The following TRPM6 variants were observed in gnomAD, a reference collection of about 807,000 sequenced individuals.
TRPM6 encodes the protein transient receptor potential cation channel subfamily M member 6, also known as channel kinase 2.
Under a neutral mutation model 247.6 loss-of-function variants are expected in TRPM6, and 111 were observed. The observed-to-expected ratio is 0.45, with a 90% confidence interval of 0.38 to 0.52. TRPM6 has a LOEUF of 0.52. TRPM6 is among the 20% of genes least tolerant of loss of function. TRPM6 has a pLI of 0.00. For synonymous variants in TRPM6, 892 were observed against 853.8 expected (o/e 1.04, Z -0.78); for missense variants, 2,126 against 2,421.5 (o/e 0.88, Z 2.56).
rs951748865 is a variant in TRPM6 at position 74,834,226 on chromosome 9, A to G, written c.545-104T>C. 48 of 1,384,682 alleles carry G rather than the reference A, an allele frequency of 3.5e-5. No homozygotes were observed. In the African/African-American group the frequency reaches 6.4e-4, roughly 19 times the overall value. The allele number at this position is 1,384,682 out of a possible 1,614,324, so 85.8% of individuals were successfully genotyped here. ...AAATAGGCAAGCATATGCAAGGGCTATTCTTAGGGAGAGTTGCTGGTACAG... is the reference window on the plus strand; with the variant it reads ...AAATAGGCAAGCATATGCAAGGGCTGTTCTTAGGGAGAGTTGCTGGTACAG... On this transcript the variant is annotated intron_variant, in intron 5 of 38. Transcript: ENST00000360774.
intron 3 of TRPM6, among the ~76,000 whole-genome samples, chr9:74,848,260 C>T (rs1830172823): frequency 6.6e-6 from 1 of 152,146 alleles, no homozygotes; most frequent in Non-Finnish European, 1.5e-5. Context: ...AAATTGCCTG[C>T]ATCACTACTC....
intron 14 of TRPM6, among the ~76,000 whole-genome samples, chr9:74,806,710 C>T (rs1828538589): frequency 6.6e-6 from 1 of 152,122 alleles, no homozygotes; most frequent in Non-Finnish European, 1.5e-5. Context: ...GATGAGAAAA[C>T]ATGCACAGAG....
intron 29 of TRPM6, among the ~76,000 whole-genome samples, chr9:74,751,739 CCCT>C (rs1025961064): frequency 6.2e-4 from 95 of 152,204 alleles, no homozygotes; most frequent in Admixed American, 4.4e-3. Flanking sequence ...GGCTTGAATC[CCCT>C]CCATCATGCC....
intron 32 of TRPM6, among the ~76,000 whole-genome samples, chr9:74,743,697 T>C (rs1163305733): frequency 2.0e-5 from 3 of 152,150 alleles, no homozygotes; most frequent in Non-Finnish European, 4.4e-5. Context: ...TCAGTGATCA[T>C]ACTCACTGAG....
Position 74,851,139 on chromosome 9 carries a change from C to A in TRPM6, c.152+4388G>T, listed in dbSNP as rs200316794. Among the ~76,000 whole-genome samples, 23 of 151,980 alleles carry A rather than the reference C, an allele frequency of 1.5e-4. No individual in the cohort carries two copies. The East Asian group carries it at 4.2e-3, about 28-fold the overall frequency. ...CTAGTTCATTAAATTGTAGCAAGGT[C>A]CCATAGAAGAAACAGACCTCCAAAA... is the stretch of plus-strand genomic sequence containing the variant. On this transcript the variant is annotated intron_variant, in intron 3 of 38. Coordinates refer to ENST00000360774, the MANE Select transcript of TRPM6 (RefSeq NM_017662.5).
intron 20 of TRPM6, among the ~76,000 whole-genome samples, chr9:74,787,346 A>T (rs993082997): frequency 1.3e-5 from 2 of 151,638 alleles, no homozygotes; most frequent in Non-Finnish European, 2.9e-5. Flanking sequence ...AAAGAAAAAA[A>T]AAAAGAAAAA....
chr9:74,809,600 AAAAT>A (rs1476167359), intron 13 of TRPM6, among the ~76,000 whole-genome samples: 2 of 152,262 alleles, frequency 1.3e-5, no homozygotes, highest in African/African-American at 2.4e-5. Flanking sequence ...CAGTTTAAAA[AAAAT>A]AAATAAAATC....
chr9:74,750,672 C>T lies in TRPM6; in HGVS notation c.5049G>A (p.Arg1683=), dbSNP rs1350209014. The T allele has an allele frequency of 6.2e-7, 1 of 1,613,630 alleles. No homozygotes were observed. Among genetic ancestry groups the T allele is most frequent in the Non-Finnish European group, 8.5e-7 (1 of 1,179,728 alleles). The change falls in exon 30 of 39, where the codon AGG becomes AGA. Residue 1683 remains arginine (R), a synonymous_variant. Transcript: ENST00000360774. The part of the protein sequence containing the change: ...LWNSRSTNLN[R]NSLLKSSIGV... Reference sequence around the variant, plus strand: ...CATTTAGAAATACTCACAGGGAGTTCCTATTGAGGTTGGTGCTCCTGGAAT... The same window carrying T: ...CATTTAGAAATACTCACAGGGAGTTTCTATTGAGGTTGGTGCTCCTGGAAT...
chr9:74,755,697 G>A (rs1216559601), intron 27 of TRPM6, among the ~76,000 whole-genome samples: 2 of 152,172 alleles, frequency 1.3e-5, no homozygotes, highest in Non-Finnish European at 1.5e-5. Context: ...TCCACACCTT[G>A]GTTCTTAATC....
chr9:74,738,230 T>C (rs1825754403), intron 36 of TRPM6, among the ~76,000 whole-genome samples, 177 bp downstream of exon 36: 1 of 152,140 alleles, frequency 6.6e-6, no homozygotes, highest in South Asian at 2.1e-4. Flanking sequence ...CCTACCTAAG[T>C]GGGAAATAAC....
chr9:74,843,687 C>T (rs369004424), intron 3 of TRPM6, among the ~76,000 whole-genome samples: 4 of 151,668 alleles, frequency 2.6e-5, no homozygotes, highest in Admixed American at 1.3e-4. Flanking sequence ...TGGTGGCAGG[C>T]GCCTGTAATC....
chr9:74,854,752 C>T (rs1284373777), intron 3 of TRPM6, among the ~76,000 whole-genome samples: 4 of 152,174 alleles, frequency 2.6e-5, no homozygotes, highest in Non-Finnish European at 5.9e-5. Flanking sequence ...AAGCCTTGAC[C>T]TCCCAAGTTC....
intron 3 of TRPM6, 140 bp from the exon 4 acceptor site, chr9:74,842,483 A>G: frequency 3.4e-6 from 3 of 871,824 alleles, no homozygotes; most frequent in Non-Finnish European, 5.5e-6. Flanking sequence ...AATTTCTAAC[A>G]TAGGACTGTC....
chr9:74,848,867 AC>A (rs1286136817), intron 3 of TRPM6, among the ~76,000 whole-genome samples: 1 of 152,196 alleles, frequency 6.6e-6, no homozygotes, highest in Non-Finnish European at 1.5e-5. Flanking sequence ...GAAGAAAAAA[AC>A]GTAAAGAAAT....
intron 17 of TRPM6, among the ~76,000 whole-genome samples, chr9:74,798,114 G>T (rs565420053): frequency 6.6e-6 from 1 of 152,214 alleles, no homozygotes; most frequent in South Asian, 2.1e-4. Context: ...TTTACTAAAT[G>T]CTCTGATATC....
intron 36 of TRPM6, among the ~76,000 whole-genome samples, chr9:74,733,830 T>C (rs1825604522): frequency 6.6e-6 from 1 of 151,778 alleles, no homozygotes; most frequent in African/African-American, 2.4e-5. Flanking sequence ...AGTGCTGGGA[T>C]TACAGGCGTG....
chr9:74,877,590 T>C (rs1476716379), intron 1 of TRPM6, among the ~76,000 whole-genome samples: 3 of 152,228 alleles, frequency 2.0e-5, no homozygotes, highest in East Asian at 1.9e-4. Flanking sequence ...TGGAGTCCCA[T>C]TGATATCCCC....
At chr9:74,832,031 A>G (rs781458077) in intron 6 of TRPM6, among the ~76,000 whole-genome samples, 1 of 152,202 alleles carries the variant, frequency 6.6e-6, no homozygotes, top group Non-Finnish European at 1.5e-5. Context: ...TAACATTATA[A>G]AAAGAGAGAC....
intron 37 of TRPM6, among the ~76,000 whole-genome samples, chr9:74,728,559 T>A (rs1324259068): frequency 6.6e-6 from 1 of 152,198 alleles, no homozygotes; most frequent in East Asian, 1.9e-4. Flanking sequence ...AGACCTACTG[T>A]GAAACGCATT....
Sources: gnomAD v4.1 joint callset for allele counts (sites outside exome capture counted in the v4.1 genomes callset) on GRCh38, gnomAD v4.1.1 for gene constraint, MANE v1.5 for transcripts, NCBI Gene and HGNC (gene_info 2026-07-23, HGNC 2026-07-21) for gene names.